DHRS2: variants seen among roughly 807,000 people sequenced by gnomAD.
DHRS2 encodes dehydrogenase/reductase 2, also known as dehydrogenase/reductase SDR family member 2, mitochondrial.
DHRS2 carries 29 observed loss-of-function variants against 26.3 expected under a neutral mutation model. That is an observed-to-expected ratio of 1.10 (90% CI 0.82 to 1.50). The LOEUF (loss-of-function observed/expected upper bound fraction) is 1.50. DHRS2 is among the 40% of genes most tolerant of loss of function. DHRS2 has a pLI of 0.00. For missense variants in DHRS2, 439 were observed against 367.1 expected, an observed-to-expected ratio of 1.20 and a Z score of -1.60; for synonymous variants, 164 against 151.3, an observed-to-expected ratio of 1.08 and a Z score of -0.62.
At chr14:23,641,729 C>T in intron 4 of DHRS2, 1 of 1,289,784 alleles carries the variant, frequency 7.8e-7, no homozygotes, top group Non-Finnish European at 1.0e-6. Flanking sequence ...GGGGGTCATC[C>T]CCCACACTGG....
chr14:23,639,723 G>T, intron 3 of DHRS2, 71 bp from the exon 4 acceptor site: 1 of 1,476,694 alleles, frequency 6.8e-7, no homozygotes, highest in South Asian at 1.4e-5. Flanking sequence ...AAGGCCTTAT[G>T]ACCTGGGCTG....
intron 4 of DHRS2, 81 bp from the exon 5 acceptor site, chr14:23,643,071 A>G: frequency 7.1e-7 from 1 of 1,414,584 alleles, no homozygotes; most frequent in East Asian, 2.3e-5. Flanking sequence ...CACAAATTAC[A>G]GGGCTCCAAG....
At chr14:23,634,768 C>A (rs1056509395), upstream of DHRS2, among the ~76,000 whole-genome samples, 1 of 152,088 alleles carries the variant, frequency 6.6e-6, no homozygotes, top group Non-Finnish European at 1.5e-5. Flanking sequence ...TTGTAATCCC[C>A]AATGTTGGAG....
At chr14:23,634,386 A>G (rs994972507), upstream of DHRS2, among the ~76,000 whole-genome samples, 5 of 151,896 alleles carry the variant, frequency 3.3e-5, no homozygotes, top group African/African-American at 1.2e-4. Flanking sequence ...CTTCTTAATC[A>G]TAACTGCCTC....
At chr14:23,636,061 C>G (rs1002025005), upstream of DHRS2, among the ~76,000 whole-genome samples, 3 of 152,302 alleles carry the variant, frequency 2.0e-5, no homozygotes, top group Admixed American at 6.5e-5. Flanking sequence ...CACTCTGTGT[C>G]TAGCTAAAGG....
intron 4 of DHRS2, chr14:23,640,501 A>G: frequency 1.1e-6 from 1 of 941,316 alleles, no homozygotes; most frequent in Non-Finnish European, 1.3e-6. Flanking sequence ...AATGCCTTGA[A>G]GCTCATCTTG....
chr14:23,638,762 G>A (rs1890472468), intron 1 of DHRS2, 65 bp from the exon 2 acceptor site: 1 of 1,485,630 alleles, frequency 6.7e-7, no homozygotes. Context: ...GAGGAAGGAG[G>A]AGGGTAGATT....
chr14:23,639,701 A>C, intron 3 of DHRS2, 93 bp from the exon 4 acceptor site: 1 of 1,359,900 alleles, frequency 7.4e-7, no homozygotes, highest in Non-Finnish European at 9.8e-7. Flanking sequence ...GGAGCTCTGC[A>C]AGCTTTGCCT....
In DHRS2 at chr14:23,645,563, A is replaced by C. The variant is rs999627490; in HGVS notation, c.*310A>C. 1 of 443,202 alleles carries C rather than the reference A, an allele frequency of 2.3e-6. No individual in the cohort carries two copies. The highest frequency in any genetic ancestry group is 2.0e-5 in the African/African-American group (1 of 50,590). The allele number at this position is 443,202 out of a possible 1,614,324, so 27.5% of individuals were successfully genotyped here. A position where few individuals can be genotyped will look rare whatever the true frequency, so the allele number is the denominator to read the frequency against. The stretch of plus-strand genomic sequence containing the variant: ...AAGGAGTAGAAGCTCAGGCCTTTGA[A>C]GGATTTCAGCTCCTCCTCTCTGTAA... On this transcript the variant is annotated 3_prime_UTR_variant, in exon 9 of 9. Coordinates refer to ENST00000250383, the MANE Select transcript of DHRS2 (RefSeq NM_005794.4).
intron 5 of DHRS2, chr14:23,643,871 A>T (rs1022484354): frequency 1.8e-6 from 1 of 545,870 alleles, no homozygotes; most frequent in Non-Finnish European, 3.3e-6. Flanking sequence ...AGGAAGCAGA[A>T]GATAAGGGTT....
intron 4 of DHRS2, chr14:23,641,919 A>T: frequency 8.4e-7 from 1 of 1,192,470 alleles, no homozygotes; most frequent in Non-Finnish European, 1.1e-6. Context: ...ATCAGGACAG[A>T]TCCCTGCAGG....
At chr14:23,639,733 G>A in intron 3 of DHRS2, 61 bp from the exon 4 acceptor site, 2 of 1,508,966 alleles carry the variant, frequency 1.3e-6, no homozygotes, top group Admixed American at 2.1e-5. Context: ...GACCTGGGCT[G>A]CCCTGGGAGG....
intron 4 of DHRS2, chr14:23,640,283 A>G (rs1890587668): frequency 1.3e-5 from 13 of 987,144 alleles, no homozygotes; most frequent in Non-Finnish European, 1.6e-5. Flanking sequence ...AGGGGAAGAT[A>G]CGGATACTGT....
chr14:23,630,808 C>T (rs1318305451), intron 1 of DHRS2, among the ~76,000 whole-genome samples: 2 of 152,122 alleles, frequency 1.3e-5, no homozygotes, highest in Non-Finnish European at 2.9e-5. Context: ...TGGGGGCTTC[C>T]AGGTCACAGG....
rs779164030 is a variant in DHRS2 at position 23,645,282 on chromosome 14, G to A, written c.*29G>A. 2 of 1,613,814 alleles carry A rather than the reference G, an allele frequency of 1.2e-6. No individual in the cohort carries two copies. The highest frequency in any genetic ancestry group is 8.5e-7 in the Non-Finnish European group (1 of 1,180,042). ...GAGTGGGGGCGGCTGCGTAGCTGTGGTCCCAGGCCCAGGAGCCTGAGGGGG... is the reference window on the plus strand; with the variant it reads ...GAGTGGGGGCGGCTGCGTAGCTGTGATCCCAGGCCCAGGAGCCTGAGGGGG... On this transcript the variant is annotated 3_prime_UTR_variant, in exon 9 of 9. Transcript: ENST00000250383.
chr14:23,644,604 A>G (rs1890801024), intron 7 of DHRS2, 61 bp downstream of exon 7: 2 of 1,611,648 alleles, frequency 1.2e-6, no homozygotes, highest in African/African-American at 2.7e-5. Flanking sequence ...TTCCCAGTGA[A>G]TAAGGGATCA....
Position 23,645,545 on chromosome 14 carries a change from A to G in DHRS2, c.*292A>G, listed in dbSNP as rs222605. 6,141 of 500,648 alleles carry G rather than the reference A, an allele frequency of 0.012. 53 individuals carry two copies. Among genetic ancestry groups the G allele is most frequent in the Non-Finnish European group, 0.018 (5,112 of 284,732 alleles). The allele number at this position is 500,648 out of a possible 1,614,324, so 31.0% of individuals were successfully genotyped here. A position where few individuals can be genotyped will look rare whatever the true frequency, so the allele number is the denominator to read the frequency against. On this transcript the variant is annotated 3_prime_UTR_variant, in exon 9 of 9. Transcript: ENST00000250383. ...TGGAGGAATCTTAAGGGAAAGGAGTAGAAGCTCAGGCCTTTGAAGGATTTC... is the reference window on the plus strand; with the variant it reads ...TGGAGGAATCTTAAGGGAAAGGAGTGGAAGCTCAGGCCTTTGAAGGATTTC...
upstream of DHRS2, among the ~76,000 whole-genome samples, chr14:23,631,699 G>A (rs191500409): frequency 8.5e-5 from 13 of 152,200 alleles, no homozygotes; most frequent in Admixed American, 7.8e-4. Context: ...CATGGAAAGG[G>A]GTATCAGAGT....
upstream of DHRS2, among the ~76,000 whole-genome samples, chr14:23,631,698 G>A (rs2138353250): frequency 6.6e-6 from 1 of 152,252 alleles, no homozygotes; most frequent in African/African-American, 2.4e-5. Context: ...GCATGGAAAG[G>A]GGTATCAGAG....
Sources: allele counts gnomAD v4.1 joint callset (sites outside exome capture counted in the v4.1 genomes callset), GRCh38; gene constraint gnomAD v4.1.1; transcripts MANE v1.5; gene names NCBI Gene and HGNC (gene_info 2026-07-23, HGNC 2026-07-21).